SCP2: variants seen among roughly 807,000 people sequenced by gnomAD.
SCP2 encodes SCP-2/3-oxoacyl-CoA thiolase.
A neutral mutation model predicts 71.4 loss-of-function variants in SCP2; 48 were observed. The ratio of observed to expected loss-of-function variants is 0.67; its 90% CI spans 0.53 to 0.86. The LOEUF (loss-of-function observed/expected upper bound fraction) is 0.86. Among genes scored for constraint, SCP2 ranks in the 40% least tolerant of loss-of-function variants. The pLI, the probability that SCP2 is intolerant of heterozygous loss-of-function variation, is 0.00. For synonymous variants in SCP2, 220 were observed against 218.1 expected (o/e 1.01, Z -0.08); for missense variants, 560 against 655.6 (o/e 0.85, Z 1.59).
At chr1:53,027,407 G>C (rs1269810611) in intron 12 of SCP2, among the ~76,000 whole-genome samples, 1 of 152,074 alleles carries the variant, frequency 6.6e-6, no homozygotes, top group African/African-American at 2.4e-5. Context: ...TAGGATGTAA[G>C]ATTCATGAGG....
At chr1:53,015,566 C>G (rs1317114700) in intron 12 of SCP2, among the ~76,000 whole-genome samples, 2 of 152,208 alleles carry the variant, frequency 1.3e-5, no homozygotes, top group African/African-American at 4.8e-5. Context: ...TTGCTTATCT[C>G]TCAAAGAAAT....
chr1:53,050,810 G>T lies in SCP2; in HGVS notation c.*106G>T. ...CTGAAACTACACATTGGCAAATAGCGTGGGATAGATTTGTTTCTTAATGGG... is the reference window on the plus strand; with the variant it reads ...CTGAAACTACACATTGGCAAATAGCTTGGGATAGATTTGTTTCTTAATGGG... On this transcript the variant is annotated 3_prime_UTR_variant, in exon 16 of 16. Transcript: ENST00000371514. The T allele has an allele frequency of 1.2e-6, 1 of 838,950 alleles. No individual in the cohort carries two copies. The highest frequency in any genetic ancestry group is 1.7e-5 in the African/African-American group (1 of 59,692). The allele number at this position is 838,950 out of a possible 1,614,324, so 52.0% of individuals were successfully genotyped here. A position where few individuals can be genotyped will look rare whatever the true frequency, so the allele number is the denominator to read the frequency against.
At chr1:52,975,363 T>C (rs1040506116) in intron 7 of SCP2, among the ~76,000 whole-genome samples, 1 of 152,140 alleles carries the variant, frequency 6.6e-6, no homozygotes, top group African/African-American at 2.4e-5. Context: ...GTATTTTTAG[T>C]AGAGACAGGG....
chr1:52,934,376 T>C (rs2124858), intron 1 of SCP2, among the ~76,000 whole-genome samples: 4,538 of 151,860 alleles, frequency 0.03, 232 homozygotes, highest in African/African-American at 0.1. Context: ...TTTGGAATTA[T>C]ATAAAGTCAA....
intron 4 of SCP2, among the ~76,000 whole-genome samples, chr1:52,953,140 C>A (rs1336752193): frequency 6.8e-6 from 1 of 147,950 alleles, no homozygotes; most frequent in African/African-American, 2.6e-5. Context: ...TTTTTAGGGG[C>A]CCCCCTCTCT....
In SCP2 at chr1:52,993,351, T is replaced by C; in HGVS notation, c.1081+5215T>C. 4.3e-6 allele frequency: 7 copies of C among 1,614,238 alleles called. No individual in the cohort carries two copies. In the South Asian group the frequency reaches 4.4e-5, roughly 10 times the overall value. ...ATCCTAATCTTTGCTGATGCCTCCA[T>C]GTATGTTACCTTAAGTTGCCGTGCT... is the stretch of plus-strand genomic sequence containing the variant. On this transcript the variant is annotated intron_variant, in intron 11 of 15. Coordinates refer to ENST00000371514, the MANE Select transcript of SCP2 (RefSeq NM_002979.5).
At chr1:53,000,004 C>T (rs1660206074) in intron 11 of SCP2, among the ~76,000 whole-genome samples, 1 of 151,606 alleles carries the variant, frequency 6.6e-6, no homozygotes, top group Admixed American at 6.6e-5. Flanking sequence ...TTTAGTAGAG[C>T]TGGGGTTTCA....
chr1:53,001,011 A>G (rs1045450176), intron 11 of SCP2, among the ~76,000 whole-genome samples: 3 of 152,058 alleles, frequency 2.0e-5, no homozygotes, highest in African/African-American at 7.2e-5. Context: ...CTCTATATGT[A>G]TGTTCCTGTC....
chr1:53,027,243 C>T (rs1361949424), intron 12 of SCP2, among the ~76,000 whole-genome samples: 2 of 152,004 alleles, frequency 1.3e-5, no homozygotes, highest in Admixed American at 6.6e-5. Context: ...TTTATAGAGA[C>T]GGGGTTTCAA....
chr1:52,985,016 A>AT (rs1282633915), intron 10 of SCP2, among the ~76,000 whole-genome samples: 1 of 137,692 alleles, frequency 7.3e-6, no homozygotes, highest in Non-Finnish European at 1.6e-5. Context: ...ATTTTTGCAT[A>AT]TTTTTTAGTA....
chr1:52,977,498 C>A (rs1658084116), intron 8 of SCP2, among the ~76,000 whole-genome samples: 1 of 152,204 alleles, frequency 6.6e-6, no homozygotes, highest in African/African-American at 2.4e-5. Flanking sequence ...TATCTTTTCC[C>A]AGTTTCCAAA....
intron 11 of SCP2, among the ~76,000 whole-genome samples, chr1:52,996,205 T>C (rs1042025291): frequency 6.6e-6 from 1 of 152,214 alleles, no homozygotes. Flanking sequence ...CCTTTCTCTT[T>C]CCACTCTGGG....
chr1:53,000,053 G>C (rs1660212669), intron 11 of SCP2, among the ~76,000 whole-genome samples: 1 of 151,854 alleles, frequency 6.6e-6, no homozygotes, highest in South Asian at 2.1e-4. Flanking sequence ...CTGACCTCAA[G>C]TGATCCACCT....
chr1:52,937,238 C>A (rs1054424140), intron 1 of SCP2, among the ~76,000 whole-genome samples: 1 of 152,106 alleles, frequency 6.6e-6, no homozygotes, highest in Non-Finnish European at 1.5e-5. Context: ...CAGTTTCTAA[C>A]AAGAAATATC....
chr1:52,999,810 C>T (rs1297445617), intron 11 of SCP2, among the ~76,000 whole-genome samples: 1 of 128,144 alleles, frequency 7.8e-6, no homozygotes, highest in African/African-American at 3.3e-5. Context: ...ACTTACTGAA[C>T]ACTTGTTTTT....
chr1:52,978,252 C>G lies in SCP2; in HGVS notation c.710C>G (p.Ala237Gly). ...TSDGAAAAIL[A>G]SEAFVQKYGL... ...GATGGTGCTGCAGCAGCAATTTTGG[C>G]CAGTGAAGCATTTGTACAGAAGTAT... Residue 237 changes from alanine (A) to glycine (G), a missense_variant, in exon 9 of 16, where the codon GCC becomes GGC. Physicochemically the swap from Ala to Gly is moderately conservative, Grantham distance 60 (BLOSUM62 0). Transcript: ENST00000371514. The G allele has an allele frequency of 6.2e-7, 1 of 1,613,896 alleles. No homozygotes were observed. The highest frequency in any genetic ancestry group is 8.5e-7 in the Non-Finnish European group (1 of 1,179,912).
At chr1:52,990,225 GA>G (rs751950918) in intron 11 of SCP2, among the ~76,000 whole-genome samples, 9 of 151,568 alleles carry the variant, frequency 5.9e-5, no homozygotes, top group Non-Finnish European at 1.0e-4. Flanking sequence ...AGGAGGATTT[GA>G]TTTTTAGAGA....
chr1:52,976,755 T>C lies in SCP2; in HGVS notation c.660T>C (p.Thr220=). Residue 220 remains threonine, a synonymous_variant, in exon 8 of 16, where the codon ACT becomes ACC. Coordinates refer to ENST00000371514, the MANE Select transcript of SCP2 (RefSeq NM_002979.5). ...MASKEVFDFL[T]ILQCCPTSDG... is the part of the protein sequence containing the mutation. ...CTAAAGAAGTTTTTGATTTTTTGAC[T>C]ATCTTACAATGTTGGTAAGAAAAAT... 3.4e-6 allele frequency: 5 copies of C among 1,482,508 alleles called. No individual in the cohort carries two copies. The highest frequency in any genetic ancestry group is 4.7e-6 in the Non-Finnish European group (5 of 1,060,624). 91.8% of individuals were successfully genotyped at this position (1,482,508 alleles called of 1,614,324 possible). A position where few individuals can be genotyped will look rare whatever the true frequency, so the allele number is the denominator to read the frequency against.
chr1:53,003,246 T>C lies in SCP2; in HGVS notation c.1082-11644T>C, dbSNP rs1321789067. Reference sequence around the variant, plus strand: ...TCTTTTTTTATTTTTGAAACCAGGATTTCGCTCTGTTGCTCTGGCTGGAGT... The same window carrying C: ...TCTTTTTTTATTTTTGAAACCAGGACTTCGCTCTGTTGCTCTGGCTGGAGT... On this transcript the variant is annotated intron_variant, in intron 11 of 15. Transcript: ENST00000371514. Among the ~76,000 whole-genome samples, 3 of 152,346 alleles carry C rather than the reference T, an allele frequency of 2.0e-5. No individual in the cohort carries two copies. In the East Asian group the frequency reaches 5.8e-4, roughly 29 times the overall value.
Sources: allele counts gnomAD v4.1 joint callset (sites outside exome capture counted in the v4.1 genomes callset), GRCh38; gene constraint gnomAD v4.1.1; transcripts MANE v1.5; gene names NCBI Gene and HGNC (gene_info 2026-07-23, HGNC 2026-07-21).